Variants in NOP9 observed in about 807,000 individuals in gnomAD.
The protein encoded by NOP9 is nucleolar protein 9.
A neutral mutation model predicts 63.0 loss-of-function variants in NOP9; 50 were observed. The observed-to-expected ratio is 0.79, with a 90% CI of 0.63 to 1.00. The LOEUF (loss-of-function observed/expected upper bound fraction) is 1.00. NOP9 is among the 50% of genes least tolerant of loss of function. The probability of loss-of-function intolerance (pLI) is 0.00; values close to 1 mark genes in which losing one functional copy is unlikely to be tolerated. For synonymous variants in NOP9, 343 were observed against 332.8 expected (o/e 1.03, Z -0.33); for missense variants, 758 against 803.0 (o/e 0.94, Z 0.68).
Position 24,306,868 on chromosome 14 carries a change from A to G in NOP9, c.*1773A>G. 1 of 355,240 alleles carries G rather than the reference A, an allele frequency of 2.8e-6. No individual in the cohort carries two copies. Among genetic ancestry groups the G allele is most frequent in the East Asian group, 5.8e-5 (1 of 17,386 alleles). The allele number at this position is 355,240 out of a possible 1,614,324, so 22.0% of individuals were successfully genotyped here. On this transcript the variant is annotated 3_prime_UTR_variant, in exon 10 of 10. Coordinates refer to ENST00000267425, the MANE Select transcript of NOP9 (RefSeq NM_174913.3). ...CTGCACCTCACTTCCCACACCCTCA[A>G]GAGTTCTCCAGAAGTGTTTTCAGTA...
chr14:24,271,298 C>A, the NOP9 span: 12 of 718,862 alleles, frequency 1.7e-5, no homozygotes, highest in Non-Finnish European at 2.3e-5. Context: ...AGGCTTTGCA[C>A]GTTCCACAAG....
At chr14:24,304,746 CT>C in intron 9 of NOP9, 148 bp downstream of exon 9, 1 of 898,970 alleles carries the variant, frequency 1.1e-6, no homozygotes, top group East Asian at 2.7e-5. Context: ...CTGCTTTCCC[CT>C]TCCCTCCCGC....
chr14:24,289,262 G>A, the NOP9 span, among the ~76,000 whole-genome samples: 2 of 152,124 alleles, frequency 1.3e-5, no homozygotes, highest in Admixed American at 1.3e-4. Flanking sequence ...GATTACAGGT[G>A]TGAGCCACTG....
chr14:24,280,794 T>C, the NOP9 span, among the ~76,000 whole-genome samples: 270 of 152,102 alleles, frequency 1.8e-3, no homozygotes, highest in Non-Finnish European at 3.1e-3. Flanking sequence ...TGGGAAAGAA[T>C]GAATGAATGA....
At position 24,304,930 on chromosome 14, in the gene NOP9, C is replaced by G; in HGVS notation, c.1754-8C>G. 1 of 1,518,574 alleles carries G rather than the reference C, an allele frequency of 6.6e-7. No homozygotes were observed. The highest frequency in any genetic ancestry group is 8.8e-7 in the Non-Finnish European group (1 of 1,134,964). 94.1% of individuals were successfully genotyped at this position (1,518,574 alleles called of 1,614,324 possible). ...GGTAGTACTAAACATGAGTGGTTCC[C>G]TTTGCAGGGGAGCAGAACCAGGAGC... On this transcript the variant is annotated splice_polypyrimidine_tract_variant and splice_region_variant and intron_variant, in intron 9 of 9. Transcript: ENST00000267425.
In NOP9 at chr14:24,305,688, T is replaced by G; in HGVS notation, c.*593T>G. The G allele has an allele frequency of 6.2e-7, 1 of 1,614,158 alleles. No individual in the cohort carries two copies. Among genetic ancestry groups the G allele is most frequent in the African/African-American group, 1.3e-5 (1 of 75,040 alleles). On this transcript the variant is annotated 3_prime_UTR_variant, in exon 10 of 10. Coordinates refer to ENST00000267425, the MANE Select transcript of NOP9 (RefSeq NM_174913.3). ...CCACTGCTCAGCCCCCTCCACTGCA[T>G]GACGAAGGGTGGAGGAAATTCCCAG...
At chr14:24,291,736 C>G in the NOP9 span, 1 of 1,151,258 alleles carries the variant, frequency 8.7e-7, no homozygotes, top group African/African-American at 1.5e-5. Flanking sequence ...CCAAAGAGGC[C>G]AAAGACCTCA....
the NOP9 span, among the ~76,000 whole-genome samples, chr14:24,279,977 C>G: frequency 6.6e-6 from 1 of 152,182 alleles, no homozygotes; most frequent in African/African-American, 2.4e-5. Context: ...TAAGGACATA[C>G]TCCTCTAGGG....
upstream of NOP9, among the ~76,000 whole-genome samples, chr14:24,295,440 G>A (rs1433982549): frequency 1.3e-5 from 2 of 152,188 alleles, no homozygotes; most frequent in Admixed American, 6.5e-5. Context: ...GCAGCCCAAG[G>A]TAATACAGAG....
chr14:24,299,314 T>C (rs2041323864), upstream of NOP9: 2 of 569,162 alleles, frequency 3.5e-6, no homozygotes, highest in East Asian at 5.9e-5. Flanking sequence ...TGACTGTCTT[T>C]TGGGAGGCCC....
chr14:24,307,145 C>G lies in NOP9; in HGVS notation c.*2050C>G. On this transcript the variant is annotated 3_prime_UTR_variant, in exon 10 of 10. Coordinates refer to ENST00000267425, the MANE Select transcript of NOP9 (RefSeq NM_174913.3). ...ATACTAGCTTCTGAATTCTGTCCCT[C>G]GAACTCTCCCTATCTCCTGCTAACC... is the stretch of plus-strand genomic sequence containing the variant. 2.4e-6 allele frequency: 1 copy of G among 425,052 alleles called. No individual in the cohort carries two copies. The highest frequency in any genetic ancestry group is 4.2e-6 in the Non-Finnish European group (1 of 238,618). The allele number at this position is 425,052 out of a possible 1,614,324, so 26.3% of individuals were successfully genotyped here. A position where few individuals can be genotyped will look rare whatever the true frequency, so the allele number is the denominator to read the frequency against.
Position 24,303,078 on chromosome 14 carries a change from C to A in NOP9, c.1148C>A (p.Ser383Tyr). Residue 383 changes from serine to tyrosine, a missense_variant, in exon 6 of 10, where the codon TCC becomes TAC. By Grantham distance (144) the Ser-to-Tyr change is moderately radical. Transcript: ENST00000267425. ...LDAVTTPELL[S>Y]PVFEELSPVL... ...ACATTCCATGTTTCCCATCAGCTGT[C>A]CCCTGTGTTTGAGGAGCTGAGCCCT... The A allele has an allele frequency of 6.5e-7, 1 of 1,534,236 alleles. No individual in the cohort carries two copies. Among genetic ancestry groups the A allele is most frequent in the Admixed American group, 2.2e-5 (1 of 45,764 alleles).
At chr14:24,274,401 G>A in the NOP9 span, among the ~76,000 whole-genome samples, 2 of 152,142 alleles carry the variant, frequency 1.3e-5, no homozygotes, top group Admixed American at 6.5e-5. Flanking sequence ...GGTATTTCAG[G>A]TATGTAATAT....
At chr14:24,281,756 G>A in the NOP9 span, among the ~76,000 whole-genome samples, 1 of 152,200 alleles carries the variant, frequency 6.6e-6, no homozygotes, top group Admixed American at 6.5e-5. Flanking sequence ...AACAGCTGGA[G>A]CAAAGGCGCA....
chr14:24,307,866 C>T lies in NOP9; in HGVS notation c.*2771C>T, dbSNP rs562127864. ...AGCTGAGAGGTACTCCATGGTGGAC[C>T]GGAGAGTTCCTTCCCTGGAACTTCT... On this transcript the variant is annotated 3_prime_UTR_variant, in exon 10 of 10. Transcript: ENST00000267425. 28 of 1,585,692 alleles carry T rather than the reference C, an allele frequency of 1.8e-5. No homozygotes were observed. The highest frequency in any genetic ancestry group is 3.3e-4 in the Middle Eastern group (2 of 6,026).
chr14:24,289,207 C>T, the NOP9 span, among the ~76,000 whole-genome samples: 1 of 152,106 alleles, frequency 6.6e-6, no homozygotes, highest in Non-Finnish European at 1.5e-5. Flanking sequence ...TGGTCTCGAT[C>T]TCCTGACCTC....
At position 24,306,039 on chromosome 14, in the gene NOP9, G is replaced by T; in HGVS notation, c.*944G>T. The T allele has an allele frequency of 1.2e-6, 2 of 1,614,196 alleles. No individual in the cohort carries two copies. Among genetic ancestry groups the T allele is most frequent in the Non-Finnish European group, 1.7e-6 (2 of 1,180,028 alleles). ...CTTTGACATTCAGGCTGCCAAAGAG[G>T]TCTCGAGGGTTTTGCTTGTACACGT... is the stretch of plus-strand genomic sequence containing the variant. On this transcript the variant is annotated 3_prime_UTR_variant, in exon 10 of 10. Transcript: ENST00000267425.
chr14:24,277,267 CAT>C, the NOP9 span, among the ~76,000 whole-genome samples: 2 of 152,120 alleles, frequency 1.3e-5, no homozygotes, highest in Non-Finnish European at 2.9e-5. Context: ...CTACTTCTCA[CAT>C]GTTTGGTTTT....
Position 24,300,105 on chromosome 14 carries a change from C to T in NOP9, c.151C>T (p.Pro51Ser), listed in dbSNP as rs11848295. The T allele has an allele frequency of 1.7e-3, 2,690 of 1,613,516 alleles. 41 individuals carry two copies. The African/African-American group carries it at 0.032, about 19-fold the overall frequency. ...TCCGGATGGGCGCTCGGAGCCGGCT[C>T]CAGATTCGCACCCGCACCTGAGCCC... ...PPPDGRSEPA[P>S]DSHPHLSPEA... The change falls in exon 1 of 10, where the codon CCA becomes TCA. Residue 51 changes from proline to serine, a missense_variant. By Grantham distance (74) the Pro-to-Ser change is moderately conservative (BLOSUM62 -1). Coordinates refer to ENST00000267425, the MANE Select transcript of NOP9 (RefSeq NM_174913.3).
Sources: gnomAD v4.1 joint callset for allele counts (sites outside exome capture counted in the v4.1 genomes callset) on GRCh38, gnomAD v4.1.1 for gene constraint, MANE v1.5 for transcripts, NCBI Gene and HGNC (gene_info 2026-07-23, HGNC 2026-07-21) for gene names.